Variants in DLGAP2 observed in about 807,000 individuals in gnomAD.
DLGAP2 encodes the protein DLG associated protein 2, also known as disks large-associated protein 2.
A neutral mutation model predicts 100.3 loss-of-function variants in DLGAP2; 26 were observed. That is an observed-to-expected ratio of 0.26 (90% confidence interval 0.19 to 0.36). The LOEUF is 0.36. DLGAP2 is among the 10% of genes least tolerant of loss of function. The pLI is 1.00. For synonymous variants in DLGAP2, 886 were observed against 630.1 expected, an observed-to-expected ratio of 1.41 and a Z score of -6.08; for missense variants, 1,858 against 1,453.2, an observed-to-expected ratio of 1.28 and a Z score of -4.53.
Position 1,691,642 on chromosome 8 carries a change from G to C in DLGAP2, c.2796+16G>C, listed in dbSNP as rs371248788. On this transcript the variant is annotated intron_variant, in intron 13 of 14. Coordinates refer to ENST00000637795, the MANE Select transcript of DLGAP2 (RefSeq NM_001346810.2). Reference sequence around the variant, plus strand: ...ACAGAATATGGTAAGTGAATCCTCAGTGAACCCCTGTTCCCTGTAACCAAG... The same window carrying C: ...ACAGAATATGGTAAGTGAATCCTCACTGAACCCCTGTTCCCTGTAACCAAG... 1 of 1,600,118 alleles carries C rather than the reference G, an allele frequency of 6.2e-7. No homozygotes were observed. The highest frequency in any genetic ancestry group is 8.6e-7 in the Non-Finnish European group (1 of 1,168,324).
Position 1,184,081 on chromosome 8 carries a change from G to GC in DLGAP2, c.74-74769dup, listed in dbSNP as rs774750739. Among the ~76,000 whole-genome samples the GC allele has an allele frequency of 3.5e-4, 53 of 152,322 alleles. 2 individuals are homozygous for GC. Among genetic ancestry groups the GC allele is most frequent in the Non-Finnish European group, 4.3e-4 (29 of 68,030 alleles). ...AAGGCTTTGGGGAAGCAGTGTGTTT[G>GC]CGTTGTGTTTGGGGAAGCAGCGTGT... On this transcript the variant is annotated intron_variant, in intron 2 of 14. Transcript: ENST00000637795.
At chr8:1,554,304 TTAAATAAA>T (rs67432825) in intron 5 of DLGAP2, among the ~76,000 whole-genome samples, 1 of 150,358 alleles carries the variant, frequency 6.7e-6, no homozygotes, top group African/African-American at 2.5e-5. Flanking sequence ...AATAAATTAA[TTAAATAAA>T]TAAATAAATA....
At chr8:884,767 T>C (rs1311172094) in intron 1 of DLGAP2, among the ~76,000 whole-genome samples, 1 of 152,240 alleles carries the variant, frequency 6.6e-6, no homozygotes, top group Admixed American at 6.5e-5. Flanking sequence ...GTTTTGGATT[T>C]TAAATTTAAG....
chr8:1,616,715 A>G (rs868845306), intron 6 of DLGAP2, among the ~76,000 whole-genome samples: 19 of 152,222 alleles, frequency 1.2e-4, no homozygotes, highest in Admixed American at 3.9e-4. Flanking sequence ...TAACTTAAAT[A>G]CATGTATCCA....
At chr8:1,409,058 A>G (rs1026881663) in intron 3 of DLGAP2, among the ~76,000 whole-genome samples, 1 of 151,960 alleles carries the variant, frequency 6.6e-6, no homozygotes, top group Non-Finnish European at 1.5e-5. Flanking sequence ...CCACTGCCCA[A>G]CCCCTTCCTC....
At chr8:928,332 T>C (rs560664599) in intron 2 of DLGAP2, among the ~76,000 whole-genome samples, 2 of 152,010 alleles carry the variant, frequency 1.3e-5, no homozygotes, top group African/African-American at 4.8e-5. Flanking sequence ...ATTACGGAGG[T>C]CGAGTTTGCG....
chr8:1,265,399 A>G (rs1054536894), intron 3 of DLGAP2, among the ~76,000 whole-genome samples: 4 of 152,224 alleles, frequency 2.6e-5, no homozygotes, highest in Non-Finnish European at 4.4e-5. Flanking sequence ...ATACTAGGAT[A>G]TCACCTAGAA....
At chr8:1,084,472 C>T (rs1052011345) in intron 2 of DLGAP2, among the ~76,000 whole-genome samples, 2 of 152,176 alleles carry the variant, frequency 1.3e-5, no homozygotes, top group African/African-American at 4.8e-5. Flanking sequence ...TGCTATTGAT[C>T]TAGAGACAGA....
At chr8:1,221,632 A>T (rs555574894) in intron 2 of DLGAP2, among the ~76,000 whole-genome samples, 70 of 152,214 alleles carry the variant, frequency 4.6e-4, no homozygotes, top group Non-Finnish European at 5.6e-4. Context: ...CTGAATTTTC[A>T]TATCAACCTC....
chr8:1,162,416 A>G (rs74639635), intron 2 of DLGAP2, among the ~76,000 whole-genome samples: 5,335 of 152,282 alleles, frequency 0.035, 333 homozygotes, highest in African/African-American at 0.12. Context: ...TTCAATAGGA[A>G]AATGCATCAG....
intron 1 of DLGAP2, among the ~76,000 whole-genome samples, chr8:845,279 G>A (rs1797052721): frequency 6.6e-6 from 1 of 152,188 alleles, no homozygotes. Flanking sequence ...GGAGGGTTCT[G>A]ATTTCATCAG....
chr8:1,044,142 A>G (rs1802451815), intron 2 of DLGAP2, among the ~76,000 whole-genome samples: 1 of 152,094 alleles, frequency 6.6e-6, no homozygotes, highest in Non-Finnish European at 1.5e-5. Context: ...CCTCCTTGTA[A>G]CCCATCCCCT....
At chr8:1,223,788 G>A (rs1798362821) in intron 2 of DLGAP2, among the ~76,000 whole-genome samples, 2 of 152,120 alleles carry the variant, frequency 1.3e-5, no homozygotes, top group South Asian at 4.1e-4. Flanking sequence ...GAATCTCAAG[G>A]ATAAAAACAA....
At chr8:902,203 G>A (rs1028291477) in intron 1 of DLGAP2, among the ~76,000 whole-genome samples, 2 of 152,190 alleles carry the variant, frequency 1.3e-5, no homozygotes, top group African/African-American at 4.8e-5. Flanking sequence ...CGGGCGCCCA[G>A]CCACGTTCAT....
chr8:1,503,443 G>T (rs944163194), intron 4 of DLGAP2, among the ~76,000 whole-genome samples: 1 of 152,102 alleles, frequency 6.6e-6, no homozygotes, highest in African/African-American at 2.4e-5. Flanking sequence ...ATGTATCAAT[G>T]TGTCACACGC....
chr8:1,699,086 G>A (rs746080778), intron 14 of DLGAP2, among the ~76,000 whole-genome samples: 1 of 152,242 alleles, frequency 6.6e-6, no homozygotes, highest in East Asian at 1.9e-4. Context: ...GAGGGAGAAG[G>A]CTGTTCAAAC....
chr8:950,685 G>A (rs1480463969), intron 2 of DLGAP2, among the ~76,000 whole-genome samples: 1 of 146,798 alleles, frequency 6.8e-6, no homozygotes, highest in Non-Finnish European at 1.5e-5. Context: ...GTAGTGGCAC[G>A]ATCTTGGCTC....
Position 1,668,639 on chromosome 8 carries a change from G to A in DLGAP2, c.2121G>A (p.Glu707=). 1 of 1,590,960 alleles carries A rather than the reference G, an allele frequency of 6.3e-7. No homozygotes were observed. Among genetic ancestry groups the A allele is most frequent in the Non-Finnish European group, 8.6e-7 (1 of 1,169,016 alleles). The part of the protein sequence containing the change: ...SDKAILVSKA[E]ELLKSRCSSI... ...AGGCCATCCTGGTGTCCAAGGCGGAGGAGCTCCTCAAGAGCCGCTGCTCCT... is the reference window on the plus strand; with the variant it reads ...AGGCCATCCTGGTGTCCAAGGCGGAAGAGCTCCTCAAGAGCCGCTGCTCCT... The change falls in exon 9 of 15, where the codon GAG becomes GAA. Residue 707 remains glutamate, a synonymous_variant. Transcript: ENST00000637795.
At chr8:1,044,342 G>A (rs1802457526) in intron 2 of DLGAP2, among the ~76,000 whole-genome samples, 1 of 152,218 alleles carries the variant, frequency 6.6e-6, no homozygotes, top group Non-Finnish European at 1.5e-5. Flanking sequence ...TGAATTTGTT[G>A]TGTTGCCTTG....
Sources: gnomAD v4.1 joint callset for allele counts (sites outside exome capture counted in the v4.1 genomes callset) on GRCh38, gnomAD v4.1.1 for gene constraint, MANE v1.5 for transcripts, NCBI Gene and HGNC (gene_info 2026-07-23, HGNC 2026-07-21) for gene names.